The following AP2B1 variants were observed in gnomAD, a reference collection of about 807,000 sequenced individuals.
AP2B1 encodes adaptor related protein complex 2 subunit beta 1.
AP2B1 carries 23 observed loss-of-function variants against 102.0 expected under a neutral mutation model. The ratio of observed to expected loss-of-function variants is 0.23; its 90% CI spans 0.16 to 0.32. The LOEUF (loss-of-function observed/expected upper bound fraction) is 0.32. AP2B1 is among the 10% of genes least tolerant of loss of function. The pLI, the probability that AP2B1 is intolerant of heterozygous loss-of-function variation, is 1.00. For synonymous variants in AP2B1, 381 were observed against 421.2 expected, an observed-to-expected ratio of 0.90 and a Z score of 1.17; for missense variants, 541 against 1,157.4, an observed-to-expected ratio of 0.47 and a Z score of 7.73.
At chr17:35,668,033 G>C (rs774325322) in intron 14 of AP2B1, among the ~76,000 whole-genome samples, 7 of 150,744 alleles carry the variant, frequency 4.6e-5, no homozygotes, top group Non-Finnish European at 7.4e-5. Flanking sequence ...TGCCTCCCAG[G>C]TTTAAGCAAT....
At position 35,611,183 on chromosome 17, in the gene AP2B1, C is replaced by G. The variant is rs181953995; in HGVS notation, c.525+2796C>G. Among the ~76,000 whole-genome samples the G allele has an allele frequency of 3.6e-4, 55 of 152,242 alleles. 1 individual carries two copies. Among genetic ancestry groups the G allele is most frequent in the African/African-American group, 1.1e-3 (45 of 41,554 alleles). ...GCATTGCTTTTGATTCACTGTTATTCTGAGCAACTATCTATAATTCTCTAC... is the reference window on the plus strand; with the variant it reads ...GCATTGCTTTTGATTCACTGTTATTGTGAGCAACTATCTATAATTCTCTAC... On this transcript the variant is annotated intron_variant, in intron 5 of 21. Transcript: ENST00000610402.
At chr17:35,664,139 A>T (rs972902558) in intron 14 of AP2B1, among the ~76,000 whole-genome samples, 1 of 152,204 alleles carries the variant, frequency 6.6e-6, no homozygotes, top group East Asian at 1.9e-4. Flanking sequence ...AAGCAGTAGT[A>T]CTTTGAGGGC....
intron 17 of AP2B1, among the ~76,000 whole-genome samples, chr17:35,680,200 A>G (rs1012428513): frequency 6.6e-6 from 1 of 151,860 alleles, no homozygotes; most frequent in Non-Finnish European, 1.5e-5. Context: ...GAGCCACCGC[A>G]CCAGCCTGTA....
At position 35,588,047 on chromosome 17, in the gene AP2B1, G is replaced by A. The variant is rs75335930; in HGVS notation, c.-24+619G>A. Among the ~76,000 whole-genome samples the A allele has an allele frequency of 3.0e-3, 438 of 145,588 alleles. 2 individuals are homozygous for A. The highest frequency in any genetic ancestry group is 4.9e-3 in the Non-Finnish European group (329 of 66,906). On this transcript the variant is annotated intron_variant, in intron 1 of 21. Coordinates refer to ENST00000610402, the MANE Select transcript of AP2B1 (RefSeq NM_001030006.2). The stretch of plus-strand genomic sequence containing the variant: ...GTAAGAGAGGGGGAAGCAAATGGGG[G>A]CAAATCTTAACCCAGCATCTTTTTT...
At chr17:35,653,316 G>A (rs776805508) in intron 13 of AP2B1, among the ~76,000 whole-genome samples, 3 of 152,114 alleles carry the variant, frequency 2.0e-5, no homozygotes, top group Non-Finnish European at 2.9e-5. Context: ...AGTAATTAAT[G>A]GAGCCAACAC....
At chr17:35,709,856 A>T (rs79841605) in intron 19 of AP2B1, among the ~76,000 whole-genome samples, 2,504 of 152,286 alleles carry the variant, frequency 0.016, 31 homozygotes, top group Middle Eastern at 0.027. Context: ...ACTGGCTTAT[A>T]TTGGTGCATA....
chr17:35,666,937 G>T (rs188618105), intron 14 of AP2B1, among the ~76,000 whole-genome samples: 1 of 152,170 alleles, frequency 6.6e-6, no homozygotes, highest in Admixed American at 6.5e-5. Flanking sequence ...GGAAGTTAGA[G>T]CCCAGCCTGA....
At chr17:35,654,876 TGC>T (rs145510521) in intron 13 of AP2B1, among the ~76,000 whole-genome samples, 1,523 of 152,278 alleles carry the variant, frequency 0.01, 20 homozygotes, top group African/African-American at 0.035. Flanking sequence ...GCCTGACCTT[TGC>T]ACGGTCAGGA....
At chr17:35,718,050 C>T (rs2085231266) in intron 21 of AP2B1, among the ~76,000 whole-genome samples, 1 of 152,098 alleles carries the variant, frequency 6.6e-6, no homozygotes. Flanking sequence ...AAAGGAAAAA[C>T]CCTTGGGATG....
chr17:35,697,630 A>G (rs1214587024), intron 18 of AP2B1, among the ~76,000 whole-genome samples: 1 of 152,200 alleles, frequency 6.6e-6, no homozygotes, highest in Non-Finnish European at 1.5e-5. Flanking sequence ...TCTTTTTCCT[A>G]ATCCTGATAG....
At chr17:35,702,886 G>A (rs587622081) in intron 18 of AP2B1, among the ~76,000 whole-genome samples, 32 of 152,286 alleles carry the variant, frequency 2.1e-4, no homozygotes, top group Non-Finnish European at 3.5e-4. Context: ...ACAGATGCTG[G>A]TGAGGTTGTA....
intron 20 of AP2B1, chr17:35,713,779 C>G (rs904523439): frequency 6.6e-6 from 1 of 152,204 alleles, no homozygotes; most frequent in Non-Finnish European, 1.5e-5. Context: ...AATAATTAAT[C>G]AGATCTTAAG....
chr17:35,670,783 A>C, intron 14 of AP2B1, 74 bp from the exon 15 acceptor site: 1 of 1,471,278 alleles, frequency 6.8e-7, no homozygotes, highest in Non-Finnish European at 9.5e-7. Context: ...CAATTTACAG[A>C]TTCTATATGG....
intron 3 of AP2B1, among the ~76,000 whole-genome samples, chr17:35,598,769 C>T (rs548753246): frequency 6.6e-6 from 1 of 152,290 alleles, no homozygotes; most frequent in African/African-American, 2.4e-5. Flanking sequence ...CAATGTTAAC[C>T]AAATCCATGT....
Position 35,670,820 on chromosome 17 carries a change from CTACCTCTCTCTCCTCTCTCTCCTT to C in AP2B1, c.1990-35_1990-12del. The C allele has an allele frequency of 6.2e-7, 1 of 1,610,024 alleles. No homozygotes were observed. Among genetic ancestry groups the C allele is most frequent in the Non-Finnish European group, 8.5e-7 (1 of 1,176,476 alleles). On this transcript the variant is annotated splice_polypyrimidine_tract_variant and intron_variant, in intron 14 of 21. Coordinates refer to ENST00000610402, the MANE Select transcript of AP2B1 (RefSeq NM_001030006.2). ...CATCTAGTATTTAGCTAAATGAACT[CTACCTCTCTCTCCTCTCTCTCCTT>C]TCTCTCTTTCAGCTTGGCAGTGACC...
intron 2 of AP2B1, 96 bp downstream of exon 2, chr17:35,594,163 A>G (rs1293343989): frequency 5.6e-6 from 4 of 720,278 alleles, no homozygotes; most frequent in African/African-American, 1.8e-5. Flanking sequence ...TCCTTCAGAC[A>G]TACATGTAGC....
chr17:35,590,840 G>A (rs1247722853), intron 1 of AP2B1, among the ~76,000 whole-genome samples: 1 of 152,068 alleles, frequency 6.6e-6, no homozygotes. Flanking sequence ...ACTGATAAAG[G>A]TATGACTTAA....
chr17:35,642,193 T>C (rs1180801942), intron 12 of AP2B1, among the ~76,000 whole-genome samples: 2 of 152,224 alleles, frequency 1.3e-5, no homozygotes, highest in Non-Finnish European at 2.9e-5. Flanking sequence ...CCAGTTTTCA[T>C]AATTCATGAA....
chr17:35,680,888 T>C lies in AP2B1; in HGVS notation c.2325-1807T>C, dbSNP rs587762922. 2.1e-3 allele frequency among the ~76,000 whole-genome samples: 313 copies of C among 152,012 alleles called. 1 individual carries two copies. The highest frequency in any genetic ancestry group is 4.0e-3 in the Non-Finnish European group (271 of 67,964). On this transcript the variant is annotated intron_variant, in intron 17 of 21. Transcript: ENST00000610402. ...TGTTGTATTTTTAGTAGAAATGTTG[T>C]TTCACCATGTTGGCCAGCCTGGTCT...
Sources: allele counts gnomAD v4.1 joint callset (sites outside exome capture counted in the v4.1 genomes callset), GRCh38; gene constraint gnomAD v4.1.1; transcripts MANE v1.5; gene names NCBI Gene and HGNC (gene_info 2026-07-23, HGNC 2026-07-21).